The following PTPRC variants were observed in gnomAD, a reference collection of about 807,000 sequenced individuals.
PTPRC encodes protein tyrosine phosphatase receptor type C.
In PTPRC, 44 loss-of-function variants were observed where a neutral mutation model predicts 155.9. That is an observed-to-expected ratio of 0.28 (90% CI 0.22 to 0.36). The LOEUF (loss-of-function observed/expected upper bound fraction) is 0.36. Among genes scored for constraint, PTPRC ranks in the 10% least tolerant of loss-of-function variants. The pLI is 1.00. For missense variants in PTPRC, 1,401 were observed against 1,564.6 expected, an observed-to-expected ratio of 0.90 and a Z score of 1.76; for synonymous variants, 525 against 533.1, an observed-to-expected ratio of 0.98 and a Z score of 0.21.
intron 11 of PTPRC, among the ~76,000 whole-genome samples, chr1:198,712,123 G>C (rs1011849951): frequency 6.6e-6 from 1 of 152,168 alleles, no homozygotes; most frequent in African/African-American, 2.4e-5. Context: ...GTAAAATGTG[G>C]TGTATCTTTA....
intron 4 of PTPRC, among the ~76,000 whole-genome samples, chr1:198,697,318 C>A (rs752178322): frequency 6.6e-6 from 1 of 152,188 alleles, no homozygotes; most frequent in Non-Finnish European, 1.5e-5. Context: ...TTGTTTCACT[C>A]TAGATTCTCT....
rs377615975 is a variant in PTPRC, at chr1:198,699,544, A to T, written c.299-20A>T. ...CCAGTGGGGGAAGACTGATGTAATG[A>T]TCTCACTTTCCTACCTTAGGTGTTT... On this transcript the variant is annotated intron_variant, in intron 4 of 32. Transcript: ENST00000442510. 4 of 1,613,900 alleles carry T rather than the reference A, an allele frequency of 2.5e-6. No homozygotes were observed. The African/African-American group carries it at 5.3e-5, about 22-fold the overall frequency.
intron 5 of PTPRC, among the ~76,000 whole-genome samples, chr1:198,700,659 T>A (rs1666415526): frequency 6.6e-6 from 1 of 152,180 alleles, no homozygotes; most frequent in Non-Finnish European, 1.5e-5. Flanking sequence ...GGGCAGAAAC[T>A]GTAAAACAAC....
chr1:198,666,008 A>G (rs1479335053), intron 2 of PTPRC, among the ~76,000 whole-genome samples: 1 of 152,100 alleles, frequency 6.6e-6, no homozygotes, highest in Non-Finnish European at 1.5e-5. Flanking sequence ...TGAGAGGCCA[A>G]GGGGGGAGAA....
At chr1:198,697,524 G>C (rs1033331510) in intron 4 of PTPRC, among the ~76,000 whole-genome samples, 1 of 152,182 alleles carries the variant, frequency 6.6e-6, no homozygotes, top group South Asian at 2.1e-4. Context: ...ATTGATGCAA[G>C]AGATATTTTT....
intron 3 of PTPRC, chr1:198,693,152 G>A (rs1382057258): frequency 3.2e-6 from 3 of 934,644 alleles, no homozygotes; most frequent in Non-Finnish European, 3.8e-6. Flanking sequence ...AACAGATCAT[G>A]AAATTGGGTT....
Position 198,756,318 on chromosome 1 carries a change from A to G in PTPRC, c.*137A>G. 8.9e-7 allele frequency: 1 copy of G among 1,119,266 alleles called. No homozygotes were observed. The highest frequency in any genetic ancestry group is 1.3e-6 in the Non-Finnish European group (1 of 783,754). 69.3% of individuals were successfully genotyped at this position (1,119,266 alleles called of 1,614,324 possible). On this transcript the variant is annotated 3_prime_UTR_variant, in exon 33 of 33. Transcript: ENST00000442510. ...AATATTTGTAGAAGGGTTATATTTT[A>G]CTACTGTGGAAAAATATTTAAGATA...
At chr1:198,712,735 T>G (rs1558015646) in intron 11 of PTPRC, 2 of 560,356 alleles carry the variant, frequency 3.6e-6, no homozygotes, top group Non-Finnish European at 6.3e-6. Flanking sequence ...GTCAGTGGAA[T>G]GCTTAGGTTT....
intron 32 of PTPRC, among the ~76,000 whole-genome samples, chr1:198,755,156 A>G (rs963831281): frequency 3.9e-5 from 6 of 151,994 alleles, no homozygotes; most frequent in Non-Finnish European, 8.8e-5. Context: ...AGGGAAATAG[A>G]CTCCACTTCT....
intron 27 of PTPRC, 106 bp downstream of exon 27, chr1:198,748,305 C>G: frequency 4.2e-6 from 6 of 1,431,106 alleles, no homozygotes; most frequent in Non-Finnish European, 5.6e-6. Flanking sequence ...AGCAAGTTTT[C>G]AACATTTGGT....
At chr1:198,653,315 T>A (rs976462700) in intron 2 of PTPRC, among the ~76,000 whole-genome samples, 6 of 151,760 alleles carry the variant, frequency 4.0e-5, no homozygotes, top group African/African-American at 1.5e-4. Context: ...CAAAATAATA[T>A]GAGGAATTGT....
intron 9 of PTPRC, 49 bp from the exon 10 acceptor site, chr1:198,708,084 T>C: frequency 6.5e-7 from 1 of 1,529,896 alleles, no homozygotes; most frequent in Non-Finnish European, 9.0e-7. Flanking sequence ...GGGCTTAGGA[T>C]ACACATTATG....
intron 4 of PTPRC, among the ~76,000 whole-genome samples, chr1:198,697,427 T>G (rs763392564): frequency 3.9e-5 from 6 of 152,208 alleles, no homozygotes; most frequent in Non-Finnish European, 8.8e-5. Flanking sequence ...TTAAGAGCAT[T>G]TGCATCATTG....
intron 5 of PTPRC, 51 bp from the exon 6 acceptor site, chr1:198,702,336 C>T (rs1317876388): frequency 6.2e-7 from 1 of 1,612,760 alleles, no homozygotes; most frequent in Admixed American, 1.7e-5. Flanking sequence ...CTGGCTATTG[C>T]CCTTGCGTGA....
intron 11 of PTPRC, among the ~76,000 whole-genome samples, chr1:198,710,127 G>T (rs1039748302): frequency 2.0e-5 from 3 of 152,096 alleles, no homozygotes. Context: ...ATTTGTATAT[G>T]GTGTGAGGTA....
At chr1:198,734,494 A>C in intron 22 of PTPRC, 69 bp downstream of exon 22, 1 of 1,309,890 alleles carries the variant, frequency 7.6e-7, no homozygotes. Flanking sequence ...TGGCATTTTG[A>C]AAAGCCACAT....
At chr1:198,712,400 T>C (rs1427187302) in intron 11 of PTPRC, among the ~76,000 whole-genome samples, 2 of 152,206 alleles carry the variant, frequency 1.3e-5, no homozygotes, top group African/African-American at 4.8e-5. Flanking sequence ...AGAAATTTTC[T>C]TTATCTTGAT....
chr1:198,748,617 C>T (rs1442101026), intron 27 of PTPRC, among the ~76,000 whole-genome samples: 1 of 151,594 alleles, frequency 6.6e-6, no homozygotes, highest in African/African-American at 2.4e-5. Flanking sequence ...TCCCTTATAA[C>T]TGGGAGGTTG....
intron 13 of PTPRC, among the ~76,000 whole-genome samples, chr1:198,717,249 T>A (rs948259659): frequency 3.9e-5 from 6 of 152,266 alleles, no homozygotes; most frequent in Admixed American, 2.0e-4. Flanking sequence ...AAACATTTCA[T>A]AAAATGTAAT....
Sources: allele counts gnomAD v4.1 joint callset (sites outside exome capture counted in the v4.1 genomes callset), GRCh38; gene constraint gnomAD v4.1.1; transcripts MANE v1.5; gene names NCBI Gene and HGNC (gene_info 2026-07-23, HGNC 2026-07-21).